ZNF362: variants seen among roughly 807,000 people sequenced by gnomAD.
ZNF362 encodes the protein zinc finger protein 362.
In ZNF362, 11 loss-of-function variants were observed where a neutral mutation model predicts 42.9. The observed-to-expected ratio is 0.26, with a 90% confidence interval of 0.16 to 0.42. The LOEUF is 0.42. Among genes scored for constraint, ZNF362 ranks in the 20% least tolerant of loss-of-function variants. The probability of loss-of-function intolerance (pLI) is 1.00; values close to 1 mark genes in which losing one functional copy is unlikely to be tolerated. For synonymous variants in ZNF362, 255 were observed against 257.3 expected, an observed-to-expected ratio of 0.99 and a Z score of 0.09; for missense variants, 362 against 576.2, an observed-to-expected ratio of 0.63 and a Z score of 3.81.
At chr1:33,228,323 T>C in the ZNF362 span, among the ~76,000 whole-genome samples, 1 of 152,152 alleles carries the variant, frequency 6.6e-6, no homozygotes, top group South Asian at 2.1e-4. Context: ...TAGACCTTCC[T>C]ATCTGGTACT....
the ZNF362 span, among the ~76,000 whole-genome samples, chr1:33,201,526 A>C: frequency 6.6e-6 from 1 of 152,268 alleles, no homozygotes; most frequent in African/African-American, 2.4e-5. Context: ...ACTGAATAAC[A>C]TACTTCTAAA....
chr1:33,244,345 C>T, the ZNF362 span, among the ~76,000 whole-genome samples: 3 of 152,176 alleles, frequency 2.0e-5, no homozygotes, highest in African/African-American at 4.8e-5. The surrounding 1 kb of genome is among the most constrained non-coding windows in gnomAD (Gnocchi z 4.0). Context: ...TGTGTTATCA[C>T]GTCATCTCTT....
At chr1:33,246,048 C>T in the ZNF362 span, among the ~76,000 whole-genome samples, 1 of 152,146 alleles carries the variant, frequency 6.6e-6, no homozygotes, top group African/African-American at 2.4e-5. Context: ...GGATTAGAGC[C>T]TTAGGAGCCT....
At chr1:33,133,613 A>G in the ZNF362 span, among the ~76,000 whole-genome samples, 1 of 152,170 alleles carries the variant, frequency 6.6e-6, no homozygotes, top group African/African-American at 2.4e-5. Context: ...TGCCTGGCCA[A>G]AGGGATGGGG....
At chr1:33,210,435 T>C in the ZNF362 span, among the ~76,000 whole-genome samples, 8 of 152,192 alleles carry the variant, frequency 5.3e-5, no homozygotes, top group Admixed American at 4.6e-4. Context: ...TAGATGTCTA[T>C]TAGGTCTGCT....
At chr1:33,279,998 A>AC (rs1347930307) in intron 4 of ZNF362, 126 bp from the exon 5 acceptor site, 1 of 1,128,178 alleles carries the variant, frequency 8.9e-7, no homozygotes, top group Admixed American at 3.1e-5. Context: ...TCATTTAGTT[A>AC]CCCCTGGGTA....
chr1:33,182,656 A>G, the ZNF362 span, among the ~76,000 whole-genome samples: 1 of 150,452 alleles, frequency 6.6e-6, no homozygotes, highest in Non-Finnish European at 1.5e-5. Context: ...GGGGTGGAGC[A>G]GGAGAGAGGG....
At chr1:33,211,225 G>A in the ZNF362 span, among the ~76,000 whole-genome samples, 1 of 152,104 alleles carries the variant, frequency 6.6e-6, no homozygotes. Flanking sequence ...GAGCCACCGC[G>A]CCAGGCCTAC....
chr1:33,272,972 C>T (rs908318101), intron 2 of ZNF362, among the ~76,000 whole-genome samples: 4 of 152,254 alleles, frequency 2.6e-5, no homozygotes, highest in Non-Finnish European at 5.9e-5. Context: ...CTGGCCATGT[C>T]TCTTTCTGGC....
chr1:33,245,511 G>A, the ZNF362 span, among the ~76,000 whole-genome samples: 2 of 152,200 alleles, frequency 1.3e-5, no homozygotes, highest in South Asian at 2.1e-4. Flanking sequence ...ACTTGTAAAT[G>A]TGACCTTATT....
chr1:33,263,764 A>T (rs1217144993), intron 1 of ZNF362, among the ~76,000 whole-genome samples: 1 of 152,146 alleles, frequency 6.6e-6, no homozygotes, highest in Non-Finnish European at 1.5e-5. Flanking sequence ...ATGATGGGGG[A>T]GGAGCAGAGG....
At chr1:33,202,425 T>C in the ZNF362 span, among the ~76,000 whole-genome samples, 1 of 151,760 alleles carries the variant, frequency 6.6e-6, no homozygotes, top group Admixed American at 6.6e-5. Context: ...TGAAACCCTG[T>C]CTCTACTAAA....
chr1:33,154,463 A>G, the ZNF362 span, among the ~76,000 whole-genome samples: 1 of 151,898 alleles, frequency 6.6e-6, no homozygotes, highest in Admixed American at 6.5e-5. Flanking sequence ...TTGCTCAGCT[A>G]TATGGAACCA....
chr1:33,224,692 A>C, the ZNF362 span, among the ~76,000 whole-genome samples: 1 of 152,248 alleles, frequency 6.6e-6, no homozygotes, highest in Non-Finnish European at 1.5e-5. Flanking sequence ...GTATAATTGG[A>C]ATCTCGAAGT....
upstream of ZNF362, among the ~76,000 whole-genome samples, chr1:33,252,813 A>G (rs1458699132): frequency 6.6e-6 from 1 of 152,214 alleles, no homozygotes; most frequent in African/African-American, 2.4e-5. Context: ...GTTAGAATAC[A>G]ATTAGGGGCT....
the ZNF362 span, among the ~76,000 whole-genome samples, chr1:33,241,579 T>C: frequency 6.6e-6 from 1 of 150,912 alleles, no homozygotes; most frequent in Non-Finnish European, 1.5e-5. Context: ...AACAAATAAA[T>C]AAATATTTCT....
In ZNF362 at chr1:33,295,244, C is replaced by T; in HGVS notation, c.1085C>T (p.Ala362Val). Residue 362 changes from alanine to valine, a missense_variant, in exon 8 of 9, where the codon GCC becomes GTC. Ala to Val is a moderately conservative substitution (Grantham distance 64). Coordinates refer to ENST00000539719, the MANE Select transcript of ZNF362 (RefSeq NM_152493.3). ...GCTTCTTTGCAGATCCACCTCTCGG[C>T]CCACGCCATCAAGCACGCCAAGGCC... ...DSASLQIHLS[A>V]HAIKHAKAYC... 3.1e-6 allele frequency: 5 copies of T among 1,614,242 alleles called. No homozygotes were observed. Among genetic ancestry groups the T allele is most frequent in the Non-Finnish European group, 4.2e-6 (5 of 1,180,048 alleles).
intron 6 of ZNF362, among the ~76,000 whole-genome samples, chr1:33,285,489 A>G (rs1646025705): frequency 6.6e-6 from 1 of 152,214 alleles, no homozygotes; most frequent in African/African-American, 2.4e-5. Context: ...ATAAAGCATT[A>G]TCACTAATTG....
At chr1:33,206,804 G>T in the ZNF362 span, among the ~76,000 whole-genome samples, 3 of 152,098 alleles carry the variant, frequency 2.0e-5, no homozygotes, top group African/African-American at 7.2e-5. Context: ...AATATATGCA[G>T]ATGGAAAATT....
Sources: allele counts gnomAD v4.1 joint callset (sites outside exome capture counted in the v4.1 genomes callset), GRCh38; gene constraint gnomAD v4.1.1; non-coding constraint Gnocchi (gnomAD v3.1); transcripts MANE v1.5; gene names NCBI Gene and HGNC (gene_info 2026-07-23, HGNC 2026-07-21).